Variants in CMIP observed in about 807,000 individuals in gnomAD.
CMIP encodes the protein C-Maf-inducing protein.
CMIP carries 13 observed loss-of-function variants against 97.3 expected under a neutral mutation model. The observed-to-expected ratio is 0.13, with a 90% CI of 0.09 to 0.21. CMIP has a LOEUF of 0.21. CMIP is among the 10% of genes least tolerant of loss of function. The pLI is 1.00. For missense variants in CMIP, 847 were observed against 1,024.9 expected, an observed-to-expected ratio of 0.83 and a Z score of 2.37; for synonymous variants, 538 against 436.3, an observed-to-expected ratio of 1.23 and a Z score of -2.91.
chr16:81,675,600 C>T (rs999536816), intron 9 of CMIP, among the ~76,000 whole-genome samples: 1 of 152,282 alleles, frequency 6.6e-6, no homozygotes, highest in Non-Finnish European at 1.5e-5. Context: ...CTGGCTGCAA[C>T]ATTTCTGGGG....
intron 10 of CMIP, 171 bp from the exon 11 acceptor site, chr16:81,691,604 C>T (rs1227364511): frequency 4.6e-6 from 3 of 647,802 alleles, no homozygotes; most frequent in Non-Finnish European, 8.5e-6. Flanking sequence ...CTTGAGGCCA[C>T]GCTGAGAACA....
Position 81,664,289 on chromosome 16 carries a change from G to A in CMIP, c.765G>A (p.Arg255=), listed in dbSNP as rs371335167. Residue 255 remains arginine, a synonymous_variant, in exon 7 of 21, where the codon CGG becomes CGA. Transcript: ENST00000537098. ...FFCKHCRERP[R]SMVVIEVFTP... is the part of the protein sequence containing the mutation. ...CCCAGCACTGCAGAGAGCGGCCCCG[G>A]TCCATGGTGGTCATCGAGGTGTTCA... is the stretch of plus-strand genomic sequence containing the variant. 48 of 1,602,458 alleles carry A rather than the reference G, an allele frequency of 3.0e-5. No individual in the cohort carries two copies. The highest frequency in any genetic ancestry group is 4.0e-5 in the Non-Finnish European group (47 of 1,175,110).
chr16:81,476,084 C>T, intron 1 of CMIP: 1 of 765,976 alleles, frequency 1.3e-6, no homozygotes. Flanking sequence ...ATTCCTGGAC[C>T]CAAAGTGCTC....
chr16:81,661,230 A>C (rs4390583), intron 6 of CMIP, among the ~76,000 whole-genome samples: 58,807 of 152,166 alleles, frequency 0.39, 11,529 homozygotes, highest in Middle Eastern at 0.52. Context: ...TCCTGGGCTC[A>C]TGACGTCAGA....
chr16:81,691,932 G>A, intron 11 of CMIP, 92 bp downstream of exon 11: 1 of 1,145,804 alleles, frequency 8.7e-7, no homozygotes, highest in Non-Finnish European at 1.3e-6. Context: ...GTCATGTTAT[G>A]GGGAAGCGAA....
At chr16:81,600,249 C>G (rs929141509) in intron 1 of CMIP, among the ~76,000 whole-genome samples, 1 of 138,824 alleles carries the variant, frequency 7.2e-6, no homozygotes, top group Non-Finnish European at 1.5e-5. Context: ...GCACTCCAGC[C>G]TAGGCGACAG....
intron 1 of CMIP, among the ~76,000 whole-genome samples, chr16:81,473,271 G>A (rs185562447): frequency 3.3e-5 from 5 of 152,296 alleles, no homozygotes; most frequent in Admixed American, 1.3e-4. Context: ...GCCGTGGGGG[G>A]CATATAATTG....
rs573896177 is a variant in CMIP, at chr16:81,494,846, C to T, written c.300+49305C>T. On this transcript the variant is annotated intron_variant, in intron 1 of 20. Transcript: ENST00000537098. The stretch of plus-strand genomic sequence containing the variant: ...AATAACAATAAATACTAATAACTGC[C>T]ATTTATCAAGAGCCCCTACTTGCCA... 2.7e-4 allele frequency among the ~76,000 whole-genome samples: 41 copies of T among 152,340 alleles called. No individual in the cohort carries two copies. The South Asian group carries it at 8.1e-3, about 30-fold the overall frequency.
At chr16:81,651,404 C>T (rs976737534) in intron 3 of CMIP, 2 of 981,368 alleles carry the variant, frequency 2.0e-6, no homozygotes, top group Non-Finnish European at 2.4e-6. Context: ...CGCTCTCTGG[C>T]TTCGACACAG....
At chr16:81,480,437 G>A (rs1340307267) in intron 1 of CMIP, among the ~76,000 whole-genome samples, 1 of 152,198 alleles carries the variant, frequency 6.6e-6, no homozygotes, top group Non-Finnish European at 1.5e-5. Context: ...CTACTCAGGA[G>A]GCTGAGGCAT....
At chr16:81,557,330 G>C (rs572975773) in intron 1 of CMIP, among the ~76,000 whole-genome samples, 1 of 135,262 alleles carries the variant, frequency 7.4e-6, no homozygotes, top group African/African-American at 3.1e-5. Context: ...TGAATTTACT[G>C]ATGTTGGTTG....
intron 4 of CMIP, 87 bp from the exon 5 acceptor site, chr16:81,657,688 A>T: frequency 8.6e-7 from 1 of 1,164,880 alleles, no homozygotes. Context: ...AGATGTTTCA[A>T]AACTGTGGAT....
chr16:81,682,224 C>T (rs1278701023), intron 10 of CMIP, among the ~76,000 whole-genome samples: 1 of 151,284 alleles, frequency 6.6e-6, no homozygotes, highest in Non-Finnish European at 1.5e-5. Context: ...GCGTGAACTG[C>T]AGTTATCAGT....
At chr16:81,660,306 C>G (rs1403711220) in intron 5 of CMIP, among the ~76,000 whole-genome samples, 2 of 151,456 alleles carry the variant, frequency 1.3e-5, no homozygotes, top group Non-Finnish European at 2.9e-5. Flanking sequence ...CAGAGTCTCA[C>G]TCTGTCACCC....
intron 4 of CMIP, among the ~76,000 whole-genome samples, chr16:81,657,197 C>G (rs1023912949): frequency 6.6e-6 from 1 of 152,172 alleles, no homozygotes; most frequent in Non-Finnish European, 1.5e-5. Flanking sequence ...GTAATCCATT[C>G]AACCTAATTA....
chr16:81,586,688 C>A (rs1260823656), intron 1 of CMIP, among the ~76,000 whole-genome samples: 2 of 152,216 alleles, frequency 1.3e-5, no homozygotes, highest in Non-Finnish European at 2.9e-5. Context: ...ACATCGCATA[C>A]TCTCTGAAGT....
intron 1 of CMIP, among the ~76,000 whole-genome samples, chr16:81,558,884 A>G (rs1334898811): frequency 6.6e-6 from 1 of 151,952 alleles, no homozygotes; most frequent in Non-Finnish European, 1.5e-5. Flanking sequence ...CTTCAGCGTC[A>G]CCTCCCCAAC....
In CMIP at chr16:81,626,786, AGAGTGT is replaced by A. The variant is rs1382299604; in HGVS notation, c.477+5862_477+5867del. ...GGTGTGTGGAGTGACAGAGAGAGAG[AGAGTGT>A]GTGTGTGTGTGTGTGTGTGTGTGTG... is the stretch of plus-strand genomic sequence containing the variant. On this transcript the variant is annotated intron_variant, in intron 3 of 20. Transcript: ENST00000537098. Among the ~76,000 whole-genome samples the A allele has an allele frequency of 8.7e-3, 890 of 102,478 alleles. 13 individuals carry two copies. The highest frequency in any genetic ancestry group is 0.011 in the African/African-American group (267 of 24,516). 67.2% of individuals were successfully genotyped at this position (102,478 alleles called of 152,430 possible).
chr16:81,693,495 C>A lies in CMIP; in HGVS notation c.1530+8C>A. ...GAAGACCCCAGGCAAGAGGTGAGGCCTTTGTTTCTGCATCTCAGGCCGGCT... is the reference window on the plus strand; with the variant it reads ...GAAGACCCCAGGCAAGAGGTGAGGCATTTGTTTCTGCATCTCAGGCCGGCT... On this transcript the variant is annotated splice_region_variant and intron_variant, in intron 13 of 20. Transcript: ENST00000537098. 6.2e-7 allele frequency: 1 copy of A among 1,610,728 alleles called. No individual in the cohort carries two copies. Among genetic ancestry groups the A allele is most frequent in the Non-Finnish European group, 8.5e-7 (1 of 1,178,080 alleles).
Sources: allele counts gnomAD v4.1 joint callset (sites outside exome capture counted in the v4.1 genomes callset), GRCh38; gene constraint gnomAD v4.1.1; transcripts MANE v1.5; gene names NCBI Gene and HGNC (gene_info 2026-07-23, HGNC 2026-07-21).